ARPC2: variants seen among roughly 807,000 people sequenced by gnomAD.
The protein encoded by ARPC2 is actin-related protein 2/3 complex subunit 2.
ARPC2 carries 4 observed loss-of-function variants against 38.6 expected under a neutral mutation model. The ratio of observed to expected loss-of-function variants is 0.10; its 90% CI spans 0.05 to 0.24. The LOEUF is 0.24. Ranked by LOEUF, ARPC2 falls within the 10% of genes least tolerant of loss-of-function variation. The probability of loss-of-function intolerance (pLI) is 1.00; values close to 1 mark genes in which losing one functional copy is unlikely to be tolerated. For synonymous variants in ARPC2, 125 were observed against 140.8 expected (o/e 0.89, Z 0.79); for missense variants, 229 against 387.3 (o/e 0.59, Z 3.43).
At chr2:218,231,138 C>T (rs1187576508) in intron 4 of ARPC2, among the ~76,000 whole-genome samples, 2 of 152,130 alleles carry the variant, frequency 1.3e-5, no homozygotes, top group Non-Finnish European at 1.5e-5. Flanking sequence ...TACTTTGTCA[C>T]AGGCCATTTT....
At chr2:218,239,069 G>A (rs937456334) in intron 6 of ARPC2, 40 of 567,342 alleles carry the variant, frequency 7.1e-5, no homozygotes, top group African/African-American at 6.8e-4. Context: ...AGAGAATCCA[G>A]TGCTTTCCTT....
chr2:218,227,748 ACC>A (rs1302005036), intron 3 of ARPC2, among the ~76,000 whole-genome samples: 1 of 152,008 alleles, frequency 6.6e-6, no homozygotes, highest in Non-Finnish European at 1.5e-5. Flanking sequence ...GTGCCACCAC[ACC>A]CAGCTAATTT....
At chr2:218,231,651 C>T (rs530540252) in intron 4 of ARPC2, among the ~76,000 whole-genome samples, 24 of 152,124 alleles carry the variant, frequency 1.6e-4, no homozygotes, top group Admixed American at 3.9e-4. Flanking sequence ...AATTCCTCTT[C>T]GGTAAAAGAA....
At chr2:218,229,587 A>G (rs1011533122) in intron 4 of ARPC2, among the ~76,000 whole-genome samples, 1 of 152,270 alleles carries the variant, frequency 6.6e-6, no homozygotes, top group Non-Finnish European at 1.5e-5. Context: ...TTAAATGAAG[A>G]TATAACCATA....
intron 10 of ARPC2, among the ~76,000 whole-genome samples, chr2:218,251,460 C>T (rs1690188444): frequency 6.6e-6 from 1 of 152,134 alleles, no homozygotes; most frequent in African/African-American, 2.4e-5. Context: ...GATCCACCTA[C>T]CTCAGCTTCC....
chr2:218,241,855 A>C (rs1021763253), intron 7 of ARPC2, among the ~76,000 whole-genome samples: 1 of 152,234 alleles, frequency 6.6e-6, no homozygotes, highest in African/African-American at 2.4e-5. Context: ...CTGCCCTGCC[A>C]CCCTTTCCAA....
chr2:218,217,568 G>C (rs1201070577), intron 2 of ARPC2, 24 bp downstream of exon 2: 3 of 1,599,232 alleles, frequency 1.9e-6, no homozygotes, highest in African/African-American at 2.7e-5. Context: ...CGGGGCCGGG[G>C]GTGGCGGGGG....
Position 218,253,982 on chromosome 2 carries a change from A to G in ARPC2, c.*67A>G. 6.3e-7 allele frequency: 1 copy of G among 1,599,766 alleles called. No homozygotes were observed. On this transcript the variant is annotated 3_prime_UTR_variant, in exon 11 of 11. Coordinates refer to ENST00000315717, the MANE Select transcript of ARPC2 (RefSeq NM_152862.3). ...GGAACACTTGCTACTGGATAATCGTAGCTTTTAATGTTGCGCCTCTTCAGG... is the reference window on the plus strand; with the variant it reads ...GGAACACTTGCTACTGGATAATCGTGGCTTTTAATGTTGCGCCTCTTCAGG...
chr2:218,249,878 C>T lies in ARPC2; in HGVS notation c.835C>T (p.Arg279Cys), dbSNP rs764789818. The T allele has an allele frequency of 1.2e-6, 2 of 1,613,780 alleles. No homozygotes were observed. The highest frequency in any genetic ancestry group is 8.5e-7 in the Non-Finnish European group (1 of 1,179,902). Residue 279 changes from arginine to cysteine, a missense_variant, in exon 10 of 11, where the codon CGC (arginine) becomes TGC (cysteine). Arg to Cys is a radical substitution (Grantham distance 180). Coordinates refer to ENST00000315717, the MANE Select transcript of ARPC2 (RefSeq NM_152862.3). ...GTCTGACTTCCTCAAGGTGCTGAAC[C>T]GCGCACGCCCAGATGCCGAGAAAAA... ...KTSDFLKVLN[R>C]ARPDAEKKEM... is the part of the protein sequence containing the mutation.
chr2:218,218,186 C>A (rs1229929586), intron 2 of ARPC2, among the ~76,000 whole-genome samples: 1 of 147,938 alleles, frequency 6.8e-6, no homozygotes, highest in South Asian at 2.2e-4. Context: ...TCCCTCGCTC[C>A]ACACCCCTTC....
At chr2:218,237,114 G>A (rs547812221) in intron 5 of ARPC2, among the ~76,000 whole-genome samples, 2 of 152,280 alleles carry the variant, frequency 1.3e-5, no homozygotes, top group African/African-American at 4.8e-5. Context: ...GACCTGTCAT[G>A]TTCCACACAC....
At chr2:218,229,727 C>G (rs1260894411) in intron 4 of ARPC2, among the ~76,000 whole-genome samples, 1 of 152,130 alleles carries the variant, frequency 6.6e-6, no homozygotes, top group Non-Finnish European at 1.5e-5. Flanking sequence ...AGTCTTAATA[C>G]CAAGAGCCAT....
At chr2:218,225,096 C>T (rs1391554187) in intron 2 of ARPC2, among the ~76,000 whole-genome samples, 4 of 152,132 alleles carry the variant, frequency 2.6e-5, no homozygotes, top group African/African-American at 9.7e-5. Context: ...GACTTCAGGT[C>T]TGTTCTTGTG....
intron 8 of ARPC2, 89 bp downstream of exon 8, chr2:218,245,635 T>C: frequency 1.9e-6 from 3 of 1,548,062 alleles, no homozygotes; most frequent in Non-Finnish European, 2.6e-6. Flanking sequence ...TGGTTAACAT[T>C]TTAAGGTAGG....
intron 10 of ARPC2, among the ~76,000 whole-genome samples, 194 bp from the exon 11 acceptor site, chr2:218,253,697 A>G (rs1165628050): frequency 6.6e-6 from 1 of 152,218 alleles, no homozygotes; most frequent in Non-Finnish European, 1.5e-5. Context: ...AATAGGAAGG[A>G]AGAGCTCGTG....
At position 218,238,691 on chromosome 2, in the gene ARPC2, T is replaced by G; in HGVS notation, c.296T>G (p.Leu99Arg). Residue 99 changes from leucine (L) to arginine (R), a missense_variant, in exon 6 of 11, where the codon CTT (leucine) becomes CGT (arginine). Physicochemically the swap from Leu to Arg is moderately radical, Grantham distance 102. This residue lies in a region of ARPC2 where 135 missense variants were observed against 214.1 expected (regional missense o/e 0.63). Coordinates refer to ENST00000315717, the MANE Select transcript of ARPC2 (RefSeq NM_152862.3). ...SGYNVSLLYD[L>R]ENLPASKDSI... Reference sequence around the variant, plus strand: ...TACAATGTCTCTTTGCTATATGACCTTGAAAATCTTCCGGCATCCAAGGAT... The same window carrying G: ...TACAATGTCTCTTTGCTATATGACCGTGAAAATCTTCCGGCATCCAAGGAT... 6.2e-7 allele frequency: 1 copy of G among 1,612,898 alleles called. No individual in the cohort carries two copies. The highest frequency in any genetic ancestry group is 8.5e-7 in the Non-Finnish European group (1 of 1,179,556).
At chr2:218,235,237 G>A in intron 5 of ARPC2, 2 of 184,942 alleles carry the variant, frequency 1.1e-5, no homozygotes, top group Non-Finnish European at 2.3e-5. Context: ...CAGTGGTACA[G>A]TCATAGCTCA....
chr2:218,221,788 G>T (rs1689388758), intron 2 of ARPC2, among the ~76,000 whole-genome samples: 1 of 152,192 alleles, frequency 6.6e-6, no homozygotes, highest in Admixed American at 6.5e-5. Context: ...ATGGCTTAGT[G>T]GAGAATAGGA....
chr2:218,225,787 T>C (rs1392761776), intron 2 of ARPC2, 133 bp from the exon 3 acceptor site: 7 of 744,176 alleles, frequency 9.4e-6, no homozygotes, highest in Non-Finnish European at 1.6e-5. Flanking sequence ...AATTGTGTAC[T>C]CTGATTGGCA....
Sources: allele counts gnomAD v4.1 joint callset (sites outside exome capture counted in the v4.1 genomes callset), GRCh38; gene constraint gnomAD v4.1.1; regional missense constraint gnomAD v4.1.1; transcripts MANE v1.5; gene names NCBI Gene and HGNC (gene_info 2026-07-23, HGNC 2026-07-21).